MYO18B: variants seen among roughly 807,000 people sequenced by gnomAD.
The protein encoded by MYO18B is myosin XVIIIB.
In MYO18B, 204 loss-of-function variants were observed where a neutral mutation model predicts 273.0. The ratio of observed to expected loss-of-function variants is 0.75; its 90% CI spans 0.67 to 0.84. MYO18B has a LOEUF of 0.84. MYO18B is among the 40% of genes least tolerant of loss of function. The pLI is 0.00. For synonymous variants in MYO18B, 1,330 were observed against 1,305.7 expected (o/e 1.02, Z -0.40); for missense variants, 3,212 against 3,287.6 (o/e 0.98, Z 0.56).
intron 3 of MYO18B, 63 bp from the exon 4 acceptor site, chr22:25,768,052 T>G: frequency 1.5e-6 from 2 of 1,362,462 alleles, no homozygotes; most frequent in East Asian, 2.3e-5. Flanking sequence ...CGAACACGAG[T>G]GAATGACAAA....
chr22:26,034,879 A>C (rs1482380162), downstream of MYO18B, among the ~76,000 whole-genome samples: 5 of 152,250 alleles, frequency 3.3e-5, no homozygotes, highest in African/African-American at 9.6e-5. Context: ...ACATTTATTC[A>C]TTCAACAAAT....
At chr22:25,849,710 C>T (rs2090366428) in intron 20 of MYO18B, among the ~76,000 whole-genome samples, 1 of 152,182 alleles carries the variant, frequency 6.6e-6, no homozygotes, top group African/African-American at 2.4e-5. Context: ...CTCTCACCAG[C>T]CGTGTGACCC....
chr22:25,816,963 C>T (rs1014268149), intron 12 of MYO18B, among the ~76,000 whole-genome samples: 5 of 152,222 alleles, frequency 3.3e-5, no homozygotes, highest in African/African-American at 7.2e-5. Flanking sequence ...AATTCAGCAA[C>T]AGCACAGCTA....
intron 17 of MYO18B, among the ~76,000 whole-genome samples, chr22:25,839,774 G>A (rs891311230): frequency 6.6e-6 from 1 of 152,306 alleles, no homozygotes; most frequent in Middle Eastern, 3.4e-3. Flanking sequence ...TCCAAAAGAA[G>A]CCAAGAGAAA....
At chr22:25,839,088 G>T (rs1251648530) in intron 17 of MYO18B, among the ~76,000 whole-genome samples, 2 of 151,074 alleles carry the variant, frequency 1.3e-5, no homozygotes, top group Non-Finnish European at 3.0e-5. Context: ...ATGTATTAGT[G>T]TGTATACGTG....
chr22:25,885,413 G>A lies in MYO18B; in HGVS notation c.4315-5343G>A, dbSNP rs146408927. Among the ~76,000 whole-genome samples the A allele has an allele frequency of 6.5e-4, 99 of 152,284 alleles. 1 individual carries two copies. The highest frequency in any genetic ancestry group is 6.8e-3 in the Middle Eastern group (2 of 294). The stretch of plus-strand genomic sequence containing the variant: ...AATGGGGTCAGGGAGGGCTTCACGG[G>A]GGAGAAGTCATGAAGGATAAGCAGG... On this transcript the variant is annotated intron_variant, in intron 25 of 43. Transcript: ENST00000335473.
intron 16 of MYO18B, among the ~76,000 whole-genome samples, chr22:25,834,673 C>T (rs3887776): frequency 0.51 from 78,176 of 151,976 alleles, 21,113 homozygotes; most frequent in Middle Eastern, 0.64. Flanking sequence ...GCCCTTTAAA[C>T]TCCCCAGGCC....
intron 20 of MYO18B, among the ~76,000 whole-genome samples, chr22:25,847,853 T>C (rs1337982828): frequency 6.6e-6 from 1 of 151,974 alleles, no homozygotes; most frequent in Non-Finnish European, 1.5e-5. Context: ...TCACATTGCC[T>C]GGACGTGGCA....
chr22:25,882,267 A>C (rs1054595716), intron 25 of MYO18B, among the ~76,000 whole-genome samples: 1 of 152,188 alleles, frequency 6.6e-6, no homozygotes, highest in Non-Finnish European at 1.5e-5. Flanking sequence ...AGAACCATTA[A>C]AGTTGGGCAG....
At chr22:25,988,914 C>T (rs560681845) in intron 39 of MYO18B, among the ~76,000 whole-genome samples, 13 of 152,226 alleles carry the variant, frequency 8.5e-5, no homozygotes, top group African/African-American at 2.9e-4. Context: ...ATTTGAACCC[C>T]GGCAGCTCGG....
At chr22:25,968,855 A>C (rs2093006553) in intron 39 of MYO18B, among the ~76,000 whole-genome samples, 1 of 152,172 alleles carries the variant, frequency 6.6e-6, no homozygotes, top group Non-Finnish European at 1.5e-5. Context: ...GCAAGCCCAG[A>C]GCTGGTTGGT....
In MYO18B at chr22:25,769,339, G is replaced by A. The variant is rs1467375721; in HGVS notation, c.1423G>A (p.Ala475Thr). ...GPSQPALEKDAERPRIRKENQ... is the reference protein window; with the variant it reads ...GPSQPALEKDTERPRIRKENQ... ...CAGCCAGCCTGCTCTGGAGAAGGAT[G>A]CAGAAAGGCCTCGGATACGGAAGGA... The change falls in exon 4 of 44, where the codon GCA becomes ACA. Residue 475 changes from alanine (A) to threonine (T), a missense_variant. By Grantham distance (58) the Ala-to-Thr change is moderately conservative. Transcript: ENST00000335473. The A allele has an allele frequency of 6.3e-7, 1 of 1,578,206 alleles. No individual in the cohort carries two copies. Among genetic ancestry groups the A allele is most frequent in the Non-Finnish European group, 8.6e-7 (1 of 1,162,528 alleles).
intron 17 of MYO18B, among the ~76,000 whole-genome samples, chr22:25,842,986 G>A (rs538050604): frequency 2.7e-4 from 41 of 152,238 alleles, no homozygotes; most frequent in African/African-American, 9.4e-4. Flanking sequence ...TATGTGCCCG[G>A]ACACTATACT....
rs767744096 is a variant in MYO18B, at chr22:25,950,381, T to G, written c.5763T>G (p.Ile1921Met). The change falls in exon 37 of 44, where the codon ATT (isoleucine) becomes ATG (methionine). Residue 1921 changes from isoleucine to methionine, a missense_variant. Physicochemically the swap from Ile to Met is conservative, Grantham distance 10. Transcript: ENST00000335473. ...TGTCTCACCAGTCTGCTGCTGACAT[T>G]GGGCAGATCCAAGAACTGCAGCTGC... ...KDLIAQSAADIGQIQELQLQL... is the reference protein window; with the variant it reads ...KDLIAQSAADMGQIQELQLQL... The G allele has an allele frequency of 5.0e-6, 8 of 1,604,494 alleles. No homozygotes were observed. The highest frequency in any genetic ancestry group is 6.8e-6 in the Non-Finnish European group (8 of 1,175,460).
intron 12 of MYO18B, among the ~76,000 whole-genome samples, chr22:25,809,417 G>A (rs1601761073): frequency 6.6e-6 from 1 of 152,290 alleles, no homozygotes; most frequent in African/African-American, 2.4e-5. Context: ...TGTCTTGATG[G>A]GGGCTTTGCT....
At chr22:26,019,396 G>A (rs1430438826) in intron 42 of MYO18B, among the ~76,000 whole-genome samples, 1 of 152,172 alleles carries the variant, frequency 6.6e-6, no homozygotes, top group Non-Finnish European at 1.5e-5. Context: ...CCTCAGTTCT[G>A]ACTTGGGAAG....
chr22:25,766,665 G>A (rs1187137301), intron 3 of MYO18B, among the ~76,000 whole-genome samples: 2 of 152,168 alleles, frequency 1.3e-5, no homozygotes, highest in Non-Finnish European at 2.9e-5. Flanking sequence ...CTCAGCATGG[G>A]CAACAGCCTG....
intron 34 of MYO18B, among the ~76,000 whole-genome samples, chr22:25,928,786 C>A (rs13057955): frequency 6.6e-6 from 1 of 152,042 alleles, no homozygotes; most frequent in Non-Finnish European, 1.5e-5. Context: ...TAAGGGGGTA[C>A]GATAATCTCA....
intron 39 of MYO18B, among the ~76,000 whole-genome samples, chr22:25,974,288 A>G (rs1318680972): frequency 2.0e-5 from 3 of 152,182 alleles, no homozygotes. Flanking sequence ...TCTCAGGATT[A>G]ATAGAATCTT....
Sources: allele counts gnomAD v4.1 joint callset (sites outside exome capture counted in the v4.1 genomes callset), GRCh38; gene constraint gnomAD v4.1.1; transcripts MANE v1.5; gene names NCBI Gene and HGNC (gene_info 2026-07-23, HGNC 2026-07-21).